The following GRM8 variants were observed in gnomAD, a reference collection of about 807,000 sequenced individuals.
The protein encoded by GRM8 is metabotropic glutamate receptor 8.
GRM8 carries 47 observed loss-of-function variants against 87.2 expected under a neutral mutation model. The ratio of observed to expected loss-of-function variants is 0.54; its 90% CI spans 0.43 to 0.69. GRM8 has a LOEUF of 0.69. Ranked by LOEUF, GRM8 falls within the 30% of genes least tolerant of loss-of-function variation. GRM8 has a pLI of 0.00. For synonymous variants in GRM8, 396 were observed against 404.5 expected (o/e 0.98, Z 0.25); for missense variants, 1,019 against 1,139.2 (o/e 0.89, Z 1.52).
chr7:126,825,857 C>A lies in GRM8; in HGVS notation c.1157-55792G>T, dbSNP rs1343654590. Among the ~76,000 whole-genome samples the A allele has an allele frequency of 3.3e-5, 5 of 151,424 alleles. No individual in the cohort carries two copies. The East Asian group carries it at 9.8e-4, about 30-fold the overall frequency. ...TTAGCATTAGGTATATCTCCTAATGCTATCCCTCCCACCTCCCCCCACCCC... is the reference window on the plus strand; with the variant it reads ...TTAGCATTAGGTATATCTCCTAATGATATCCCTCCCACCTCCCCCCACCCC... On this transcript the variant is annotated intron_variant, in intron 6 of 10. Coordinates refer to ENST00000339582, the MANE Select transcript of GRM8 (RefSeq NM_000845.3).
chr7:126,507,075 A>G (rs1159337985), intron 9 of GRM8, among the ~76,000 whole-genome samples: 1 of 152,074 alleles, frequency 6.6e-6, no homozygotes, highest in Non-Finnish European at 1.5e-5. Flanking sequence ...TCCTACTTTT[A>G]CTTTCCGCAA....
intron 3 of GRM8, among the ~76,000 whole-genome samples, chr7:126,962,355 C>T (rs1809407106): frequency 6.6e-6 from 1 of 152,172 alleles, no homozygotes. Context: ...TGCCCCCATG[C>T]TGCTGCATAT....
intron 7 of GRM8, among the ~76,000 whole-genome samples, chr7:126,610,235 C>G (rs1372859023): frequency 6.6e-6 from 1 of 152,160 alleles, no homozygotes; most frequent in Non-Finnish European, 1.5e-5. Flanking sequence ...CTCTTATTAA[C>G]TTTTATGTAA....
At chr7:126,709,363 G>A (rs1241596309) in intron 7 of GRM8, among the ~76,000 whole-genome samples, 3 of 151,904 alleles carry the variant, frequency 2.0e-5, no homozygotes, top group African/African-American at 7.3e-5. Context: ...TTTCAGACCA[G>A]CCTAGGCAAT....
intron 7 of GRM8, among the ~76,000 whole-genome samples, chr7:126,639,554 C>T (rs925415860): frequency 1.3e-5 from 2 of 152,136 alleles, no homozygotes; most frequent in African/African-American, 4.8e-5. Context: ...GGAAGCCAGT[C>T]TCCAGCAGGA....
At chr7:127,180,616 C>T (rs1440277159) in intron 2 of GRM8, among the ~76,000 whole-genome samples, 15 of 151,938 alleles carry the variant, frequency 9.9e-5, no homozygotes, top group African/African-American at 2.7e-4. Flanking sequence ...ACTAGCTAAC[C>T]GAATCCAACA....
intron 3 of GRM8, among the ~76,000 whole-genome samples, chr7:127,054,604 C>T (rs1586866457): frequency 6.6e-6 from 1 of 152,122 alleles, no homozygotes; most frequent in Admixed American, 6.6e-5. Context: ...ACTAGTAACT[C>T]GTTGAACATT....
chr7:126,454,036 T>C (rs1373376079), intron 9 of GRM8, among the ~76,000 whole-genome samples: 2 of 151,774 alleles, frequency 1.3e-5, no homozygotes, highest in African/African-American at 4.8e-5. Flanking sequence ...AATGGGGATG[T>C]CTTTAATTAT....
intron 7 of GRM8, among the ~76,000 whole-genome samples, chr7:126,734,438 A>G (rs1813966124): frequency 6.6e-6 from 1 of 151,738 alleles, no homozygotes; most frequent in South Asian, 2.1e-4. Flanking sequence ...TTAATAAAAT[A>G]GACAATTCAT....
intron 2 of GRM8, among the ~76,000 whole-genome samples, chr7:127,176,866 C>G (rs1238155167): frequency 1.3e-5 from 2 of 152,132 alleles, no homozygotes; most frequent in Non-Finnish European, 2.9e-5. Context: ...TTGCTGTGTA[C>G]CCTAGCAGCC....
At chr7:126,783,943 G>A (rs778259682) in intron 6 of GRM8, among the ~76,000 whole-genome samples, 3 of 152,110 alleles carry the variant, frequency 2.0e-5, no homozygotes, top group Non-Finnish European at 4.4e-5. Flanking sequence ...CTCATCTATA[G>A]CCTCAGATCA....
intron 6 of GRM8, among the ~76,000 whole-genome samples, chr7:126,884,586 AG>A (rs1220068876): frequency 6.6e-6 from 1 of 152,210 alleles, no homozygotes; most frequent in Admixed American, 6.5e-5. Flanking sequence ...AAATGATAGC[AG>A]AAAAAACATA....
chr7:126,718,714 A>G (rs575035904), intron 7 of GRM8, among the ~76,000 whole-genome samples: 48 of 152,276 alleles, frequency 3.2e-4, no homozygotes, highest in Non-Finnish European at 6.2e-4. Context: ...TATCTCTTCC[A>G]TGTCCAGAAC....
chr7:126,975,227 C>A (rs1028391643), intron 3 of GRM8, among the ~76,000 whole-genome samples: 1 of 152,132 alleles, frequency 6.6e-6, no homozygotes, highest in Non-Finnish European at 1.5e-5. Flanking sequence ...ATGTTCATGA[C>A]CAGAACACAT....
intron 6 of GRM8, among the ~76,000 whole-genome samples, chr7:126,775,218 G>A (rs1024727683): frequency 1.3e-5 from 2 of 152,128 alleles, no homozygotes; most frequent in Non-Finnish European, 2.9e-5. Context: ...GAATGGTAGA[G>A]GAAGAAGGGA....
rs17867761 is a variant in GRM8, at chr7:127,100,295, G to A, written c.727+6201C>T. On this transcript the variant is annotated intron_variant, in intron 3 of 10. Coordinates refer to ENST00000339582, the MANE Select transcript of GRM8 (RefSeq NM_000845.3). ...GCTATGCATTCTGGCAAAAGTTCCT[G>A]TTTTCTTATGAAACACTGCTCATCA... 2.4e-3 allele frequency among the ~76,000 whole-genome samples: 369 copies of A among 152,230 alleles called. 4 individuals carry two copies. Among genetic ancestry groups the A allele is most frequent in the Middle Eastern group, 6.8e-3 (2 of 294 alleles).
chr7:126,541,081 T>C (rs1816482551), intron 8 of GRM8, among the ~76,000 whole-genome samples: 2 of 152,140 alleles, frequency 1.3e-5, no homozygotes, highest in Non-Finnish European at 2.9e-5. Flanking sequence ...GACCAAGACA[T>C]GGTTCTTGCC....
intron 3 of GRM8, among the ~76,000 whole-genome samples, chr7:126,956,145 T>C (rs1385746283): frequency 6.6e-6 from 1 of 152,196 alleles, no homozygotes; most frequent in Non-Finnish European, 1.5e-5. Flanking sequence ...CAAAAATGTA[T>C]ATGTAAAATA....
intron 3 of GRM8, among the ~76,000 whole-genome samples, chr7:126,937,767 G>C (rs1806488540): frequency 6.6e-6 from 1 of 152,162 alleles, no homozygotes. Flanking sequence ...CAGATAACTT[G>C]TCCTTTAGTG....
Sources: gnomAD v4.1 joint callset for allele counts (sites outside exome capture counted in the v4.1 genomes callset) on GRCh38, gnomAD v4.1.1 for gene constraint, MANE v1.5 for transcripts, NCBI Gene and HGNC (gene_info 2026-07-23, HGNC 2026-07-21) for gene names.